Variants in WDFY4 observed in about 807,000 individuals in gnomAD.
The protein encoded by WDFY4 is WD repeat- and FYVE domain-containing protein 4.
WDFY4 carries 169 observed loss-of-function variants against 351.9 expected under a neutral mutation model. The ratio of observed to expected loss-of-function variants is 0.48; its 90% confidence interval spans 0.42 to 0.55. The LOEUF (loss-of-function observed/expected upper bound fraction) is 0.55, where lower values mean the gene tolerates loss of function less well. Among genes scored for constraint, WDFY4 ranks in the 20% least tolerant of loss-of-function variants. WDFY4 has a pLI of 0.00. For synonymous variants in WDFY4, 1,622 were observed against 1,574.6 expected, an observed-to-expected ratio of 1.03 and a Z score of -0.71; for missense variants, 3,803 against 3,935.6, an observed-to-expected ratio of 0.97 and a Z score of 0.90.
intron 13 of WDFY4, among the ~76,000 whole-genome samples, chr10:48,766,063 A>C (rs1047314670): frequency 5.9e-5 from 9 of 152,262 alleles, no homozygotes; most frequent in Non-Finnish European, 8.8e-5. Flanking sequence ...CCTGGATAGC[A>C]TTGCATAAGG....
intron 47 of WDFY4, chr10:48,914,077 C>A: frequency 6.2e-7 from 1 of 1,614,202 alleles, no homozygotes; most frequent in Non-Finnish European, 8.5e-7. Context: ...TTTTTCCCAT[C>A]AAAAGTGATT....
intron 52 of WDFY4, among the ~76,000 whole-genome samples, chr10:48,958,998 C>A (rs543558074): frequency 1.3e-5 from 2 of 152,278 alleles, no homozygotes; most frequent in South Asian, 4.2e-4. Context: ...CCATCATATG[C>A]CTGACGTCAT....
intron 30 of WDFY4, among the ~76,000 whole-genome samples, chr10:48,812,986 A>G (rs2067509824): frequency 6.6e-6 from 1 of 152,208 alleles, no homozygotes; most frequent in Non-Finnish European, 1.5e-5. Flanking sequence ...ACCCCCAGAC[A>G]GAGGAGACCA....
intron 13 of WDFY4, among the ~76,000 whole-genome samples, chr10:48,762,628 C>T (rs980173580): frequency 6.6e-6 from 1 of 152,252 alleles, no homozygotes; most frequent in Non-Finnish European, 1.5e-5. Context: ...GCAAGGCTGG[C>T]TCCCTGGCAA....
In WDFY4 at chr10:48,805,430, C is replaced by G; in HGVS notation, c.4646+9C>G. ...ACCCAGGACTTGCTCAGGTACCACA[C>G]CAAGCTGCCCAGGGGGAAGAGCAGG... On this transcript the variant is annotated intron_variant, in intron 26 of 61. Transcript: ENST00000325239. 3 of 1,546,724 alleles carry G rather than the reference C, an allele frequency of 1.9e-6. No individual in the cohort carries two copies. Among genetic ancestry groups the G allele is most frequent in the African/African-American group, 2.7e-5 (2 of 73,160 alleles).
chr10:48,701,119 C>T (rs1201441212), intron 1 of WDFY4, among the ~76,000 whole-genome samples: 1 of 152,188 alleles, frequency 6.6e-6, no homozygotes. Context: ...AACCACCATT[C>T]ACCTTTCTGG....
At chr10:48,899,726 AC>A (rs1166295216) in intron 45 of WDFY4, among the ~76,000 whole-genome samples, 1 of 152,204 alleles carries the variant, frequency 6.6e-6, no homozygotes, top group African/African-American at 2.4e-5. Flanking sequence ...TTAAGGAAAT[AC>A]CCCTGACAAA....
chr10:48,923,496 G>GATATATATATATATATATATATATA (rs1839279164), intron 47 of WDFY4, among the ~76,000 whole-genome samples: 1 of 63,214 alleles, frequency 1.6e-5, no homozygotes, highest in Admixed American at 2.2e-4. Flanking sequence ...ATAGTTTTTA[G>GATATATATATATATATATATATATA]TATATATATA....
At chr10:48,982,408 T>A in intron 61 of WDFY4, 101 bp from the exon 62 acceptor site, 1 of 1,060,118 alleles carries the variant, frequency 9.4e-7, no homozygotes, top group South Asian at 1.7e-5. Flanking sequence ...CAAGCTCCGC[T>A]GGGCCCCAGA....
In WDFY4 at chr10:48,702,160, T is replaced by C. The variant is rs191802130; in HGVS notation, c.-17-7556T>C. 8.5e-5 allele frequency among the ~76,000 whole-genome samples: 13 copies of C among 152,284 alleles called. No individual in the cohort carries two copies. In the East Asian group the frequency reaches 2.5e-3, roughly 29 times the overall value. ...TTCATAGTGGCTCTGCATTTTCATC[T>C]CTGTATCATCTCTCTTTATCTTCAC... On this transcript the variant is annotated intron_variant, in intron 1 of 61. Transcript: ENST00000325239.
At chr10:48,970,391 G>GC in intron 57 of WDFY4, 102 bp downstream of exon 57, 1 of 1,443,310 alleles carries the variant, frequency 6.9e-7, no homozygotes, top group Non-Finnish European at 9.2e-7. Context: ...TGTGGTGCCG[G>GC]AACACACCCT....
At chr10:48,854,320 G>A (rs1450860406) in intron 39 of WDFY4, among the ~76,000 whole-genome samples, 2 of 152,114 alleles carry the variant, frequency 1.3e-5, no homozygotes, top group South Asian at 2.1e-4. Context: ...TGTTGCCCAG[G>A]CTGGTCTCAA....
chr10:48,766,134 C>G (rs1324759893), intron 13 of WDFY4, among the ~76,000 whole-genome samples: 1 of 148,878 alleles, frequency 6.7e-6, no homozygotes, highest in Non-Finnish European at 1.5e-5. Context: ...AGGACTCTTG[C>G]TTTGTTAAAT....
chr10:48,703,128 G>A (rs1462717095), intron 1 of WDFY4, among the ~76,000 whole-genome samples: 2 of 152,334 alleles, frequency 1.3e-5, no homozygotes, highest in East Asian at 3.9e-4. Flanking sequence ...AGGGAAGCAA[G>A]CACTAGCCCC....
At chr10:48,720,191 G>T (rs980032905) in intron 3 of WDFY4, 66 bp downstream of exon 3, 146 of 1,460,456 alleles carry the variant, frequency 1.0e-4, no homozygotes, top group Non-Finnish European at 1.2e-4. Flanking sequence ...GCCCTCCCAG[G>T]CCTCTCAGGC....
chr10:48,974,257 C>G (rs906949750), intron 57 of WDFY4, among the ~76,000 whole-genome samples: 1 of 152,062 alleles, frequency 6.6e-6, no homozygotes, highest in Non-Finnish European at 1.5e-5. Flanking sequence ...AAACCCAGCA[C>G]TTTGGGAGGC....
chr10:48,855,151 T>C (rs1428826924), intron 39 of WDFY4, among the ~76,000 whole-genome samples: 1 of 152,200 alleles, frequency 6.6e-6, no homozygotes, highest in African/African-American at 2.4e-5. Flanking sequence ...TTTTATATTT[T>C]TTAGTGTTTG....
chr10:48,820,459 T>A (rs2067781187), intron 33 of WDFY4, 22 bp downstream of exon 33: 6 of 1,549,460 alleles, frequency 3.9e-6, no homozygotes, highest in Non-Finnish European at 5.2e-6. Context: ...AAGGTGACAT[T>A]GGGCCATGTG....
chr10:48,719,923 T>C lies in WDFY4; in HGVS notation c.235-88T>C, dbSNP rs180862338. ...GGGAAAGGAAGTCGAGCTGTCAGCT[T>C]GGGCTGGTGAAGGGTGGCATGGCAG... On this transcript the variant is annotated intron_variant, in intron 2 of 61. Transcript: ENST00000325239. 3.4e-5 allele frequency: 41 copies of C among 1,210,866 alleles called. No individual in the cohort carries two copies. The East Asian group carries it at 1.0e-3, about 30-fold the overall frequency. 75.0% of individuals were successfully genotyped at this position (1,210,866 alleles called of 1,614,324 possible).
Sources: allele counts gnomAD v4.1 joint callset (sites outside exome capture counted in the v4.1 genomes callset), GRCh38; gene constraint gnomAD v4.1.1; transcripts MANE v1.5; gene names NCBI Gene and HGNC (gene_info 2026-07-23, HGNC 2026-07-21).